AUTS2: variants seen among roughly 807,000 people sequenced by gnomAD.
The protein encoded by AUTS2 is activator of transcription and developmental regulator AUTS2.
Under a neutral mutation model 112.4 loss-of-function variants are expected in AUTS2, and 17 were observed. The ratio of observed to expected loss-of-function variants is 0.15; its 90% confidence interval spans 0.10 to 0.23. The LOEUF (loss-of-function observed/expected upper bound fraction) is 0.23. Among genes scored for constraint, AUTS2 ranks in the 10% least tolerant of loss-of-function variants. AUTS2 has a pLI of 1.00. For missense variants in AUTS2, 1,510 were observed against 1,701.6 expected (o/e 0.89, Z 1.98); for synonymous variants, 751 against 702.7 (o/e 1.07, Z -1.09).
At chr7:69,786,223 CA>C (rs1789366524) in intron 1 of AUTS2, among the ~76,000 whole-genome samples, 1 of 152,074 alleles carries the variant, frequency 6.6e-6, no homozygotes, top group Non-Finnish European at 1.5e-5. Flanking sequence ...ATGCAGCAAT[CA>C]GCACTCTGTG....
intron 1 of AUTS2, among the ~76,000 whole-genome samples, chr7:69,849,842 T>C (rs1301639248): frequency 6.6e-6 from 1 of 152,172 alleles, no homozygotes; most frequent in Non-Finnish European, 1.5e-5. Flanking sequence ...CATTCGCTTA[T>C]TGAGGAACAT....
At chr7:70,186,135 A>T (rs1377055056) in intron 4 of AUTS2, among the ~76,000 whole-genome samples, 2 of 152,100 alleles carry the variant, frequency 1.3e-5, no homozygotes, top group African/African-American at 4.8e-5. Flanking sequence ...TATGTTATTC[A>T]TGTAGCTATA....
intron 4 of AUTS2, among the ~76,000 whole-genome samples, chr7:70,153,882 A>G (rs544918699): frequency 6.6e-6 from 1 of 152,316 alleles, no homozygotes; most frequent in Non-Finnish European, 1.5e-5. Flanking sequence ...GAGAAAATGC[A>G]TACAAAAGAG....
At chr7:70,089,362 CTACTT>C (rs746755714) in intron 2 of AUTS2, among the ~76,000 whole-genome samples, 1 of 151,874 alleles carries the variant, frequency 6.6e-6, no homozygotes, top group Non-Finnish European at 1.5e-5. Flanking sequence ...CATGAATTGA[CTACTT>C]TATTATTATA....
At chr7:69,823,780 C>A (rs377684646) in intron 1 of AUTS2, among the ~76,000 whole-genome samples, 5 of 151,224 alleles carry the variant, frequency 3.3e-5, no homozygotes, top group African/African-American at 7.3e-5. Context: ...GAAAAAAAAA[C>A]AAAAAACCAG....
intron 5 of AUTS2, among the ~76,000 whole-genome samples, chr7:70,641,363 C>G (rs1805819403): frequency 6.6e-6 from 1 of 152,026 alleles, no homozygotes; most frequent in Non-Finnish European, 1.5e-5. Context: ...TCCTGGCTAA[C>G]ACGGTGAAAC....
chr7:70,080,887 AAAGAACATTAGAGGGCGTTGGAAAG>A (rs1272864526), intron 2 of AUTS2, among the ~76,000 whole-genome samples: 1 of 152,220 alleles, frequency 6.6e-6, no homozygotes, highest in Non-Finnish European at 1.5e-5. Flanking sequence ...ACTCTATTTA[AAAGAACATTAGAGGGCGTTGGAAAG>A]AGGTGATAAA....
intron 1 of AUTS2, among the ~76,000 whole-genome samples, chr7:69,681,764 G>A (rs184606364): frequency 9.8e-5 from 15 of 152,298 alleles, no homozygotes; most frequent in South Asian, 4.1e-4. Flanking sequence ...GTGTAGCTTC[G>A]TGTAATTATT....
At chr7:70,386,349 A>G (rs57710795) in intron 4 of AUTS2, among the ~76,000 whole-genome samples, 13,828 of 152,266 alleles carry the variant, frequency 0.091, 988 homozygotes, top group African/African-American at 0.2. Flanking sequence ...CTGAAATATT[A>G]TTTAAAAACA....
At chr7:70,182,245 A>G (rs540686118) in intron 4 of AUTS2, among the ~76,000 whole-genome samples, 4 of 151,996 alleles carry the variant, frequency 2.6e-5, no homozygotes, top group African/African-American at 9.7e-5. Flanking sequence ...TCCTGTTTAC[A>G]TCTCACCCAT....
chr7:70,764,890 C>G lies in AUTS2; in HGVS notation c.1353C>G (p.Pro451=), dbSNP rs756126420. 12 of 1,608,450 alleles carry G rather than the reference C, an allele frequency of 7.5e-6. No individual in the cohort carries two copies. Among genetic ancestry groups the G allele is most frequent in the African/African-American group, 1.4e-5 (1 of 73,288 alleles). ...GCTTCACACCCACCCTCCAGCCCCC[C>G]GCACACTCACATCACCCCAATATGT... ...LHSFTPTLQP[P]AHSHHPNMFA... Residue 451 remains proline (P), a synonymous_variant, in exon 8 of 19, where the codon CCC becomes CCG. Transcript: ENST00000342771.
At chr7:69,692,759 T>C (rs767537760) in intron 1 of AUTS2, among the ~76,000 whole-genome samples, 2 of 152,240 alleles carry the variant, frequency 1.3e-5, no homozygotes, top group Non-Finnish European at 2.9e-5. Context: ...CCACGTCTTC[T>C]AACAACCCAT....
intron 4 of AUTS2, among the ~76,000 whole-genome samples, chr7:70,203,951 A>AT (rs1810437742): frequency 6.7e-6 from 1 of 149,974 alleles, no homozygotes; most frequent in Non-Finnish European, 1.5e-5. Context: ...TATTAAAAAA[A>AT]TTTTTAAGCC....
intron 1 of AUTS2, among the ~76,000 whole-genome samples, chr7:69,865,443 T>C (rs938540698): frequency 3.3e-5 from 5 of 152,186 alleles, no homozygotes; most frequent in African/African-American, 1.2e-4. Context: ...GGGCTCTCAG[T>C]ATCAGGTGGC....
chr7:69,676,507 TG>T (rs1351110655), intron 1 of AUTS2, among the ~76,000 whole-genome samples: 1 of 152,224 alleles, frequency 6.6e-6, no homozygotes, highest in Non-Finnish European at 1.5e-5. Flanking sequence ...GGTCTTGGTC[TG>T]GGGGAAGATA....
intron 4 of AUTS2, among the ~76,000 whole-genome samples, chr7:70,168,350 G>T (rs747290762): frequency 9.9e-5 from 15 of 152,106 alleles, no homozygotes; most frequent in Non-Finnish European, 2.1e-4. Context: ...AAGCATTAGG[G>T]CAGACGCCCA....
At chr7:70,545,224 G>C (rs1800723600) in intron 5 of AUTS2, among the ~76,000 whole-genome samples, 1 of 152,242 alleles carries the variant, frequency 6.6e-6, no homozygotes, top group Non-Finnish European at 1.5e-5. Flanking sequence ...GGGATGGTCT[G>C]CATCCAGACC....
chr7:70,415,380 G>A (rs1423547674), intron 4 of AUTS2, among the ~76,000 whole-genome samples: 2 of 152,224 alleles, frequency 1.3e-5, no homozygotes, highest in Non-Finnish European at 2.9e-5. Flanking sequence ...AGCATGAGCT[G>A]ATGGAATACA....
At chr7:70,091,860 A>G (rs549223038) in intron 2 of AUTS2, among the ~76,000 whole-genome samples, 1 of 152,320 alleles carries the variant, frequency 6.6e-6, no homozygotes, top group South Asian at 2.1e-4. Flanking sequence ...TAGTGCTAAG[A>G]TGATAGGTGT....
Sources: gnomAD v4.1 joint callset for allele counts (sites outside exome capture counted in the v4.1 genomes callset) on GRCh38, gnomAD v4.1.1 for gene constraint, MANE v1.5 for transcripts, NCBI Gene and HGNC (gene_info 2026-07-23, HGNC 2026-07-21) for gene names.